DOCK1: variants seen among roughly 807,000 people sequenced by gnomAD.
DOCK1 encodes the protein dedicator of cytokinesis protein 1.
In DOCK1, 138 loss-of-function variants were observed where a neutral mutation model predicts 262.7. The ratio of observed to expected loss-of-function variants is 0.53; its 90% CI spans 0.46 to 0.61. DOCK1 has a LOEUF of 0.61. Ranked by LOEUF, DOCK1 falls within the 20% of genes least tolerant of loss-of-function variation. The pLI is 0.00. For synonymous variants in DOCK1, 866 were observed against 867.4 expected, an observed-to-expected ratio of 1.00 and a Z score of 0.03; for missense variants, 1,908 against 2,370.7, an observed-to-expected ratio of 0.80 and a Z score of 4.05.
chr10:127,245,001 C>T (rs533982720), intron 27 of DOCK1, among the ~76,000 whole-genome samples: 1 of 152,352 alleles, frequency 6.6e-6, no homozygotes, highest in East Asian at 1.9e-4. Context: ...AGAGCTCGCT[C>T]ACTTTTGTTC....
chr10:127,346,763 G>A (rs2063653042), intron 31 of DOCK1, among the ~76,000 whole-genome samples: 1 of 152,216 alleles, frequency 6.6e-6, no homozygotes, highest in South Asian at 2.1e-4. Context: ...CAGGGCCTCT[G>A]CCTAGGGCTT....
intron 40 of DOCK1, among the ~76,000 whole-genome samples, chr10:127,404,689 T>C (rs2067416307): frequency 1.3e-5 from 2 of 152,242 alleles, no homozygotes; most frequent in South Asian, 4.1e-4. Flanking sequence ...TGAGGTGTGA[T>C]ATATGATATG....
chr10:126,920,548 A>C (rs1020802950), intron 1 of DOCK1, among the ~76,000 whole-genome samples: 2 of 152,228 alleles, frequency 1.3e-5, no homozygotes, highest in African/African-American at 4.8e-5. Context: ...AAGCCAATGA[A>C]ATCAAAGTAT....
At chr10:127,432,018 C>T (rs2069325177) in intron 47 of DOCK1, among the ~76,000 whole-genome samples, 1 of 152,136 alleles carries the variant, frequency 6.6e-6, no homozygotes, top group African/African-American at 2.4e-5. Context: ...GTAAACTGTG[C>T]ATGTGAGGGA....
chr10:127,434,523 A>G (rs1456369016), intron 48 of DOCK1, among the ~76,000 whole-genome samples: 2 of 151,852 alleles, frequency 1.3e-5, no homozygotes, highest in Non-Finnish European at 2.9e-5. Context: ...CACCTCCAGA[A>G]CTCTTTAATA....
At chr10:126,999,680 T>C (rs1259287507) in intron 9 of DOCK1, among the ~76,000 whole-genome samples, 1 of 152,070 alleles carries the variant, frequency 6.6e-6, no homozygotes, top group Non-Finnish European at 1.5e-5. Flanking sequence ...GTGTATCGTT[T>C]TTATTTTTTT....
At chr10:127,219,691 A>T (rs2058349956) in intron 27 of DOCK1, among the ~76,000 whole-genome samples, 1 of 151,966 alleles carries the variant, frequency 6.6e-6, no homozygotes. Flanking sequence ...TGTCTCTATG[A>T]GTTTGGTTAC....
At chr10:127,079,798 G>A (rs1289261639) in intron 23 of DOCK1, among the ~76,000 whole-genome samples, 2 of 152,154 alleles carry the variant, frequency 1.3e-5, no homozygotes, top group Admixed American at 6.5e-5. Context: ...GGGCGTGTAG[G>A]TGCATGCCTG....
chr10:126,951,654 G>A (rs2036259541), intron 1 of DOCK1, among the ~76,000 whole-genome samples: 1 of 151,692 alleles, frequency 6.6e-6, no homozygotes, highest in Non-Finnish European at 1.5e-5. Flanking sequence ...TTGTAGTATT[G>A]GTGACAATGG....
Position 127,018,793 on chromosome 10 carries a change from G to A in DOCK1, c.1285G>A (p.Ala429Thr), listed in dbSNP as rs372560858. 6.2e-7 allele frequency: 1 copy of A among 1,614,014 alleles called. No homozygotes were observed. Among genetic ancestry groups the A allele is most frequent in the Non-Finnish European group, 8.5e-7 (1 of 1,179,892 alleles). The change falls in exon 13 of 52, where the codon GCT (alanine) becomes ACT (threonine). Residue 429 changes from alanine (A) to threonine (T), a missense_variant. By Grantham distance (58) the Ala-to-Thr change is moderately conservative (BLOSUM62 0). Around this residue, in one of 9 missense-constraint regions of DOCK1, gnomAD observed 294 missense variants for 439.9 expected, o/e 0.67. Coordinates refer to ENST00000623213, the MANE Select transcript of DOCK1 (RefSeq NM_001290223.2). Reference protein sequence around the residue: ...EFPHLVDRTTAVARKTGFPEI... With the variant: ...EFPHLVDRTTTVARKTGFPEI... ...TCCGCATTTAGTGGACAGGACCACA[G>A]CTGTGGCTCGAAAAACAGGGTTTCC...
intron 29 of DOCK1, among the ~76,000 whole-genome samples, chr10:127,336,149 A>G (rs891967438): frequency 1.3e-5 from 2 of 151,994 alleles, no homozygotes; most frequent in South Asian, 2.1e-4. Context: ...TTTCTTACCT[A>G]AAAGTTAGTC....
At chr10:127,192,461 G>A (rs1417381955) in intron 27 of DOCK1, 1 of 152,222 alleles carries the variant, frequency 6.6e-6, no homozygotes, top group East Asian at 1.9e-4. Flanking sequence ...TGTCAGGTTA[G>A]AATGTTTTGT....
intron 23 of DOCK1, among the ~76,000 whole-genome samples, chr10:127,087,173 A>G (rs970551699): frequency 3.3e-5 from 5 of 152,188 alleles, no homozygotes; most frequent in Non-Finnish European, 2.9e-5. Flanking sequence ...GCATTTTTCT[A>G]AACGAGTGAC....
rs1652246394 is a variant in DOCK1, at chr10:126,970,804, A to G, written c.130+19A>G. ...TATGAAGGTGCGTATGCATCTTGGT[A>G]TCTTTTCTCTTACATTTTGGGCAGA... On this transcript the variant is annotated intron_variant, in intron 2 of 51. Coordinates refer to ENST00000623213, the MANE Select transcript of DOCK1 (RefSeq NM_001290223.2). 2 of 1,608,804 alleles carry G rather than the reference A, an allele frequency of 1.2e-6. No individual in the cohort carries two copies. Among genetic ancestry groups the G allele is most frequent in the African/African-American group, 1.3e-5 (1 of 74,986 alleles).
At chr10:127,075,359 C>A (rs746513562) in intron 23 of DOCK1, among the ~76,000 whole-genome samples, 1 of 151,972 alleles carries the variant, frequency 6.6e-6, no homozygotes, top group Non-Finnish European at 1.5e-5. Context: ...GTAGCCTTGA[C>A]CTCCTGGGCT....
chr10:127,289,402 G>T (rs1053531054), intron 29 of DOCK1, among the ~76,000 whole-genome samples: 2 of 152,104 alleles, frequency 1.3e-5, no homozygotes, highest in Non-Finnish European at 2.9e-5. Flanking sequence ...TACTGTTATA[G>T]ATGGTGCTTC....
chr10:127,263,339 G>A (rs2060240974), intron 29 of DOCK1, among the ~76,000 whole-genome samples: 1 of 24,318 alleles, frequency 4.1e-5, no homozygotes, highest in Non-Finnish European at 8.1e-5. Context: ...TGCCATATAT[G>A]TGTATATATA....
chr10:126,988,264 C>T (rs1591548082), intron 5 of DOCK1: 1 of 152,126 alleles, frequency 6.6e-6, no homozygotes, highest in South Asian at 2.1e-4. Context: ...CAGTAGATTA[C>T]CTTTTGTTAA....
intron 47 of DOCK1, among the ~76,000 whole-genome samples, chr10:127,429,699 G>A (rs1001541492): frequency 6.6e-6 from 1 of 152,160 alleles, no homozygotes; most frequent in African/African-American, 2.4e-5. Context: ...TTCCCTGGAT[G>A]GGAGCTCTGC....
Sources: gnomAD v4.1 joint callset for allele counts (sites outside exome capture counted in the v4.1 genomes callset) on GRCh38, gnomAD v4.1.1 for gene constraint, gnomAD v4.1.1 regional missense constraint, MANE v1.5 for transcripts, NCBI Gene and HGNC (gene_info 2026-07-23, HGNC 2026-07-21) for gene names.